Variants in CLVS1 observed in about 807,000 individuals in gnomAD.
CLVS1 encodes the protein clavesin-1.
Under a neutral mutation model 33.1 loss-of-function variants are expected in CLVS1, and 10 were observed. The ratio of observed to expected loss-of-function variants is 0.30; its 90% CI spans 0.19 to 0.51. The LOEUF (loss-of-function observed/expected upper bound fraction) is 0.51, where lower values mean the gene tolerates loss of function less well. Among genes scored for constraint, CLVS1 ranks in the 20% least tolerant of loss-of-function variants. The pLI is 0.97. For missense variants in CLVS1, 343 were observed against 433.4 expected (o/e 0.79, Z 1.85); for synonymous variants, 163 against 166.1 (o/e 0.98, Z 0.14).
At chr8:61,100,522 A>T (rs1008251893) in intron 1 of CLVS1, among the ~76,000 whole-genome samples, 2 of 152,226 alleles carry the variant, frequency 1.3e-5, no homozygotes, top group African/African-American at 4.8e-5. Context: ...CAAGACTTTT[A>T]AAAATTGTTC....
At chr8:61,224,285 C>A (rs1386523978) in intron 2 of CLVS1, among the ~76,000 whole-genome samples, 2 of 152,104 alleles carry the variant, frequency 1.3e-5, no homozygotes, top group Non-Finnish European at 2.9e-5. Flanking sequence ...TTCATTGATT[C>A]TTTCTCAACT....
intron 2 of CLVS1, among the ~76,000 whole-genome samples, chr8:61,264,239 G>T: frequency 6.6e-6 from 1 of 151,976 alleles, no homozygotes; most frequent in East Asian, 2.0e-4. Flanking sequence ...GTTAAATGCC[G>T]TCTATATGCT....
chr8:61,073,255 GTTCTTACCATAAT>G (rs1563392413), intron 1 of CLVS1, among the ~76,000 whole-genome samples: 1 of 152,166 alleles, frequency 6.6e-6, no homozygotes, highest in African/African-American at 2.4e-5. Context: ...TATATTGCTT[GTTCTTACCATAAT>G]TTCTTTGCCT....
chr8:61,371,523 G>C (rs891140077), intron 2 of CLVS1, among the ~76,000 whole-genome samples: 2 of 152,072 alleles, frequency 1.3e-5, no homozygotes, highest in Non-Finnish European at 2.9e-5. Context: ...CTAAGAGGCT[G>C]CCTCCTATTC....
At chr8:61,058,886 TAATG>T (rs745497650) in intron 1 of CLVS1, among the ~76,000 whole-genome samples, 7 of 152,230 alleles carry the variant, frequency 4.6e-5, no homozygotes, top group Non-Finnish European at 1.0e-4. Context: ...TCATTCCTTT[TAATG>T]AATGAGTCAT....
chr8:61,014,538 C>T, the CLVS1 span, among the ~76,000 whole-genome samples: 1 of 152,174 alleles, frequency 6.6e-6, no homozygotes, highest in East Asian at 1.9e-4. Flanking sequence ...ACACATCAGT[C>T]AAGCAACAAC....
intron 5 of CLVS1, among the ~76,000 whole-genome samples, chr8:61,488,816 C>T (rs28415536): frequency 5.9e-5 from 9 of 152,222 alleles, no homozygotes; most frequent in East Asian, 1.9e-4. Flanking sequence ...TGTCCAGCTG[C>T]GGCTGCCAGT....
chr8:61,131,259 G>A (rs1806094004), intron 1 of CLVS1, among the ~76,000 whole-genome samples: 1 of 152,230 alleles, frequency 6.6e-6, no homozygotes. Flanking sequence ...TTTTAGGAAT[G>A]AGGAGAATGG....
intron 2 of CLVS1, among the ~76,000 whole-genome samples, chr8:61,343,572 T>C (rs530814505): frequency 6.6e-6 from 1 of 152,174 alleles, no homozygotes; most frequent in Admixed American, 6.5e-5. Flanking sequence ...ATCTGAGTAA[T>C]GAAGAGAAGC....
chr8:61,140,003 T>C (rs1010831053), intron 2 of CLVS1, among the ~76,000 whole-genome samples: 2 of 152,104 alleles, frequency 1.3e-5, no homozygotes, highest in Non-Finnish European at 2.9e-5. Context: ...AGCGGAGCTC[T>C]TGCAGGAAGC....
At chr8:60,972,013 G>A in the CLVS1 span, among the ~76,000 whole-genome samples, 1 of 152,206 alleles carries the variant, frequency 6.6e-6, no homozygotes, top group African/African-American at 2.4e-5. Context: ...GCTGGGTGGT[G>A]GGTCTGATCA....
chr8:61,316,157 T>C (rs539695089), intron 2 of CLVS1, among the ~76,000 whole-genome samples: 29 of 152,338 alleles, frequency 1.9e-4, no homozygotes, highest in African/African-American at 6.5e-4. Flanking sequence ...TTATTGGGTA[T>C]ATACCCAAAG....
intron 2 of CLVS1, among the ~76,000 whole-genome samples, chr8:61,280,621 A>G (rs1414462916): frequency 6.6e-6 from 1 of 152,266 alleles, no homozygotes; most frequent in East Asian, 1.9e-4. Flanking sequence ...ACATATGTCA[A>G]TAAAGTATTT....
chr8:61,469,907 C>T (rs997498808), intron 5 of CLVS1, among the ~76,000 whole-genome samples: 1 of 152,184 alleles, frequency 6.6e-6, no homozygotes, highest in Non-Finnish European at 1.5e-5. Context: ...TGTGATTGAA[C>T]TTCTTAGTTT....
chr8:61,297,736 T>A (rs1168392477), intron 1 of CLVS1, among the ~76,000 whole-genome samples: 4 of 151,984 alleles, frequency 2.6e-5, no homozygotes, highest in Non-Finnish European at 5.9e-5. Flanking sequence ...GCATTGAAGG[T>A]GTGAGCACAG....
chr8:61,082,379 GA>G (rs1159075479), intron 1 of CLVS1, among the ~76,000 whole-genome samples: 2 of 152,168 alleles, frequency 1.3e-5, no homozygotes, highest in Non-Finnish European at 2.9e-5. Flanking sequence ...AAAAATATTT[GA>G]GGGAATAATG....
intron 1 of CLVS1, among the ~76,000 whole-genome samples, chr8:61,058,375 G>C (rs186680564): frequency 1.3e-5 from 2 of 152,322 alleles, no homozygotes; most frequent in Admixed American, 1.3e-4. Flanking sequence ...GCTCTTTCTT[G>C]ACAGGAACCT....
the CLVS1 span, among the ~76,000 whole-genome samples, chr8:61,022,796 A>C: frequency 2.0e-5 from 3 of 152,244 alleles, no homozygotes; most frequent in African/African-American, 7.2e-5. Flanking sequence ...TGGTACACAG[A>C]CAGCATATAT....
At chr8:61,192,670 C>G (rs1807516240) in intron 2 of CLVS1, among the ~76,000 whole-genome samples, 2 of 151,972 alleles carry the variant, frequency 1.3e-5, no homozygotes, top group South Asian at 2.1e-4. Context: ...AACAAATTTA[C>G]AAGAAAAAAA....
Sources: gnomAD v4.1 joint callset for allele counts (sites outside exome capture counted in the v4.1 genomes callset) on GRCh38, gnomAD v4.1.1 for gene constraint, MANE v1.5 for transcripts, NCBI Gene and HGNC (gene_info 2026-07-23, HGNC 2026-07-21) for gene names.